RASSF2: variants seen among roughly 807,000 people sequenced by gnomAD.
RASSF2 encodes Ras association domain family member 2.
Under a neutral mutation model 46.3 loss-of-function variants are expected in RASSF2, and 34 were observed. The ratio of observed to expected loss-of-function variants is 0.73; its 90% CI spans 0.56 to 0.98. The LOEUF is 0.98. RASSF2 is among the 50% of genes least tolerant of loss of function. The pLI is 0.00. For missense variants in RASSF2, 364 were observed against 431.2 expected (o/e 0.84, Z 1.38); for synonymous variants, 158 against 162.5 (o/e 0.97, Z 0.21).
rs138208094 is a variant in RASSF2 at position 4,786,287 on chromosome 20, G to A, written c.855C>T (p.Ser285=). 10 of 1,613,568 alleles carry A rather than the reference G, an allele frequency of 6.2e-6. No homozygotes were observed. In the East Asian group the frequency reaches 2.2e-4, roughly 36 times the overall value. The part of the protein sequence containing the change: ...YIKFEMPVLK[S]FIQKLQEEED... Reference sequence around the variant, plus strand: ...CTTCCTCCTGGAGCTTCTGAATGAAGCTTTTAAGTACCGGCATCTCGAACT... The same window carrying A: ...CTTCCTCCTGGAGCTTCTGAATGAAACTTTTAAGTACCGGCATCTCGAACT... The change falls in exon 11 of 12, where the codon AGC becomes AGT. Residue 285 remains serine, a synonymous_variant. Coordinates refer to ENST00000379400, the MANE Select transcript of RASSF2 (RefSeq NM_014737.3).
intron 2 of RASSF2, among the ~76,000 whole-genome samples, chr20:4,819,010 T>C (rs188443321): frequency 1.1e-4 from 16 of 152,334 alleles, no homozygotes; most frequent in Admixed American, 2.6e-4. Flanking sequence ...TTGCCAAGGC[T>C]GGAGCACAAT....
chr20:4,789,373 G>A (rs182973729), intron 8 of RASSF2, among the ~76,000 whole-genome samples: 3 of 152,302 alleles, frequency 2.0e-5, no homozygotes, highest in Non-Finnish European at 4.4e-5. Context: ...GATTTAGTGG[G>A]TCTGGGGTGG....
intron 11 of RASSF2, among the ~76,000 whole-genome samples, chr20:4,785,148 A>G (rs1479195329): frequency 7.1e-6 from 1 of 141,234 alleles, no homozygotes; most frequent in East Asian, 2.1e-4. Context: ...CGTCTCTACT[A>G]AAAATACAAA....
intron 2 of RASSF2, among the ~76,000 whole-genome samples, chr20:4,811,555 AG>A (rs1927819502): frequency 1.3e-5 from 2 of 152,036 alleles, no homozygotes; most frequent in Non-Finnish European, 2.9e-5. Flanking sequence ...ATTTCAAAGC[AG>A]CCCTTCAAGA....
intron 2 of RASSF2, among the ~76,000 whole-genome samples, chr20:4,807,498 C>T (rs1323352290): frequency 1.3e-5 from 2 of 152,152 alleles, no homozygotes; most frequent in Admixed American, 6.5e-5. Flanking sequence ...GCAAAGGACA[C>T]GCACAGTAGT....
chr20:4,822,215 T>C (rs1928735105), intron 2 of RASSF2, 114 bp downstream of exon 2: 1 of 152,220 alleles, frequency 6.6e-6, no homozygotes, highest in Non-Finnish European at 1.5e-5. Flanking sequence ...TCTAATTCTT[T>C]CCTCCCATTG....
At chr20:4,796,666 G>A (rs901222175) in intron 4 of RASSF2, among the ~76,000 whole-genome samples, 2 of 152,216 alleles carry the variant, frequency 1.3e-5, no homozygotes, top group African/African-American at 2.4e-5. Context: ...GACATTAAAT[G>A]TAAAACCATT....
rs1926247123 is a variant in RASSF2, at chr20:4,795,344, C to A, written c.287+471G>T. The A allele has an allele frequency of 6.5e-6, 1 of 152,896 alleles. No individual in the cohort carries two copies. The highest frequency in any genetic ancestry group is 2.4e-5 in the African/African-American group (1 of 41,478). The allele number at this position is 152,896 out of a possible 1,614,324, so 9.5% of individuals were successfully genotyped here. ...TCTGACAGAGCCTGACATTCCTTTT[C>A]CTCTTCTAGGTTCCCCCAAGATTCA... On this transcript the variant is annotated intron_variant, in intron 5 of 11. Transcript: ENST00000379400. This position sits in a 1 kb window ranked among gnomAD's most constrained non-coding sequence, Gnocchi z 4.0.
In RASSF2 at chr20:4,821,718, G is replaced by A. The variant is rs144373927; in HGVS notation, c.-33+611C>T. ...CTCCACGTGCCCAGGCAGGCTGCACGCTATGCCTCCATCTTCTCCCAGGGC... is the reference window on the plus strand; with the variant it reads ...CTCCACGTGCCCAGGCAGGCTGCACACTATGCCTCCATCTTCTCCCAGGGC... On this transcript the variant is annotated intron_variant, in intron 2 of 11. Coordinates refer to ENST00000379400, the MANE Select transcript of RASSF2 (RefSeq NM_014737.3). 7.1e-3 allele frequency among the ~76,000 whole-genome samples: 1,081 copies of A among 152,270 alleles called. 12 individuals carry two copies. Among genetic ancestry groups the A allele is most frequent in the African/African-American group, 0.024 (1,006 of 41,546 alleles).
intron 2 of RASSF2, among the ~76,000 whole-genome samples, chr20:4,819,891 A>G (rs1052415950): frequency 2.0e-5 from 3 of 152,220 alleles, no homozygotes; most frequent in Non-Finnish European, 2.9e-5. Context: ...ACAGGAATGG[A>G]TGAGAGGGTC....
chr20:4,807,623 G>A (rs1041322463), intron 2 of RASSF2, among the ~76,000 whole-genome samples: 7 of 152,142 alleles, frequency 4.6e-5, no homozygotes, highest in Non-Finnish European at 1.0e-4. Context: ...TGATGGCCCC[G>A]ACTGTGGGAA....
At chr20:4,823,384 G>C (rs1255131429) in intron 1 of RASSF2, among the ~76,000 whole-genome samples, 173 bp downstream of exon 1, 2 of 152,128 alleles carry the variant, frequency 1.3e-5, no homozygotes, top group Middle Eastern at 3.2e-3. Context: ...GGGGCGCCGC[G>C]GCTGGGGGGC....
intron 4 of RASSF2, among the ~76,000 whole-genome samples, chr20:4,797,494 G>C (rs1424615608): frequency 6.6e-6 from 1 of 152,180 alleles, no homozygotes; most frequent in Non-Finnish European, 1.5e-5. Context: ...GGATGAGTAA[G>C]CTCAGTTTCA....
intron 2 of RASSF2, among the ~76,000 whole-genome samples, chr20:4,813,227 C>T (rs1601133775): frequency 6.6e-6 from 1 of 152,218 alleles, no homozygotes; most frequent in Non-Finnish European, 1.5e-5. Context: ...CTCCCATCCC[C>T]GGAGCTGCCC....
At chr20:4,807,915 C>G (rs1927468972) in intron 2 of RASSF2, among the ~76,000 whole-genome samples, 1 of 152,226 alleles carries the variant, frequency 6.6e-6, no homozygotes, top group African/African-American at 2.4e-5. Context: ...TTCCAACCAC[C>G]TTCACAAAGC....
At position 4,797,999 on chromosome 20, in the gene RASSF2, G is replaced by C; in HGVS notation, c.135+11C>G. ...ACTAGCCAATCAGGGCCGTCCCTGGGGACTCCTTACCTCCCGGTGCCGGAG... is the reference window on the plus strand; with the variant it reads ...ACTAGCCAATCAGGGCCGTCCCTGGCGACTCCTTACCTCCCGGTGCCGGAG... On this transcript the variant is annotated intron_variant, in intron 4 of 11. Coordinates refer to ENST00000379400, the MANE Select transcript of RASSF2 (RefSeq NM_014737.3). 2 of 1,613,532 alleles carry C rather than the reference G, an allele frequency of 1.2e-6. No homozygotes were observed. The highest frequency in any genetic ancestry group is 1.7e-6 in the Non-Finnish European group (2 of 1,179,812).
At chr20:4,811,958 G>A (rs1927855684) in intron 2 of RASSF2, among the ~76,000 whole-genome samples, 1 of 152,110 alleles carries the variant, frequency 6.6e-6, no homozygotes, top group Admixed American at 6.5e-5. Context: ...GTCTCCTGAG[G>A]GAATCTGCTT....
intron 2 of RASSF2, among the ~76,000 whole-genome samples, chr20:4,818,971 C>CT (rs542701707): frequency 2.6e-5 from 4 of 151,726 alleles, no homozygotes; most frequent in South Asian, 2.1e-4. Flanking sequence ...TTTTTTCTTT[C>CT]TTTTTTTTGA....
intron 2 of RASSF2, among the ~76,000 whole-genome samples, chr20:4,803,953 C>T (rs1927124774): frequency 6.6e-6 from 1 of 151,096 alleles, no homozygotes; most frequent in South Asian, 2.1e-4. Context: ...AGCTACTAGG[C>T]AGGCTGAGGC....
Sources: gnomAD v4.1 joint callset for allele counts (sites outside exome capture counted in the v4.1 genomes callset) on GRCh38, gnomAD v4.1.1 for gene constraint, Gnocchi (gnomAD v3.1) non-coding constraint, MANE v1.5 for transcripts, NCBI Gene and HGNC (gene_info 2026-07-23, HGNC 2026-07-21) for gene names.